SLC10A7: variants seen among roughly 807,000 people sequenced by gnomAD.
SLC10A7 encodes solute carrier family 10 member 7, also known as sodium/bile acid cotransporter 7.
A neutral mutation model predicts 43.2 loss-of-function variants in SLC10A7; 29 were observed. The ratio of observed to expected loss-of-function variants is 0.67; its 90% CI spans 0.50 to 0.92. SLC10A7 has a LOEUF of 0.92. Among genes scored for constraint, SLC10A7 ranks in the 40% least tolerant of loss-of-function variants. The pLI is 0.00. For synonymous variants in SLC10A7, 152 were observed against 144.8 expected (o/e 1.05, Z -0.35); for missense variants, 295 against 403.2 (o/e 0.73, Z 2.30).
chr4:146,508,227 A>G (rs1021034899), intron 3 of SLC10A7, among the ~76,000 whole-genome samples: 2 of 152,208 alleles, frequency 1.3e-5, no homozygotes, highest in Non-Finnish European at 2.9e-5. Flanking sequence ...CTGAAAAATC[A>G]CATGGTGCCC....
intron 4 of SLC10A7, among the ~76,000 whole-genome samples, chr4:146,444,430 G>A (rs935694835): frequency 2.0e-5 from 3 of 152,068 alleles, no homozygotes; most frequent in Admixed American, 6.6e-5. Flanking sequence ...AGAATCATTC[G>A]AGGAAAAGAG....
intron 2 of SLC10A7, 40 bp from the exon 3 acceptor site, chr4:146,510,089 AACTATT>A: frequency 6.4e-7 from 1 of 1,567,928 alleles, no homozygotes; most frequent in Non-Finnish European, 8.6e-7. Context: ...AAGGTAAGAA[AACTATT>A]CCTGAAAGGA....
intron 7 of SLC10A7, among the ~76,000 whole-genome samples, chr4:146,303,375 CT>C (rs111238580): frequency 0.23 from 30,990 of 137,370 alleles, 3,251 homozygotes; most frequent in African/African-American, 0.32. Context: ...CTTTTTCTTT[CT>C]TTTTTTTTTT....
intron 5 of SLC10A7, among the ~76,000 whole-genome samples, chr4:146,412,775 C>T (rs1461174306): frequency 6.6e-6 from 1 of 152,000 alleles, no homozygotes; most frequent in Non-Finnish European, 1.5e-5. Context: ...GGGAGAAGAA[C>T]TAGAACAAAA....
chr4:146,324,580 C>G (rs1324961987), intron 6 of SLC10A7, among the ~76,000 whole-genome samples: 1 of 152,090 alleles, frequency 6.6e-6, no homozygotes, highest in Non-Finnish European at 1.5e-5. Flanking sequence ...TTACCAGATG[C>G]TGAGCTCTAT....
At chr4:146,519,097 ATATATATATATAT>A (rs539823637) in intron 1 of SLC10A7, among the ~76,000 whole-genome samples, 24 of 78,622 alleles carry the variant, frequency 3.1e-4, no homozygotes, top group African/African-American at 7.8e-4. Context: ...ATATATATAT[ATATATATATATAT>A]ATAATATAAT....
Position 146,294,061 on chromosome 4 carries a change from C to T in SLC10A7, c.590G>A (p.Arg197Lys). The change falls in exon 8 of 12, where the codon AGA becomes AAA. Residue 197 changes from arginine (R) to lysine (K), a missense_variant. Arg to Lys is a conservative substitution (Grantham distance 26). Transcript: ENST00000335472. ...GATAGCACCAAAAGGAGGCTTCTTT[C>T]TCTCAAGCCAATCCTTGATGTATCT... ...VRRYIKDWLE[R>K]KKPPFGAISS... 6.2e-7 allele frequency: 1 copy of T among 1,611,004 alleles called. No individual in the cohort carries two copies. Among genetic ancestry groups the T allele is most frequent in the Non-Finnish European group, 8.5e-7 (1 of 1,178,076 alleles).
At chr4:146,366,431 T>A (rs1398753914) in intron 5 of SLC10A7, among the ~76,000 whole-genome samples, 1 of 152,154 alleles carries the variant, frequency 6.6e-6, no homozygotes, top group South Asian at 2.1e-4. Context: ...ACCCAAACAC[T>A]TGCAGTTTTT....
At position 146,490,506 on chromosome 4, in the gene SLC10A7, T is replaced by C. The variant is rs995742988; in HGVS notation, c.396+13343A>G. ...CATATTGTTAGTTTCCCAGGCTGTT[T>C]GTCAGAGTTAAATTGCCATGGTTTG... On this transcript the variant is annotated intron_variant, in intron 4 of 11. Coordinates refer to ENST00000335472, the MANE Select transcript of SLC10A7 (RefSeq NM_001029998.6). 7.9e-5 allele frequency among the ~76,000 whole-genome samples: 12 copies of C among 152,208 alleles called. No individual in the cohort carries two copies. In the East Asian group the frequency reaches 1.5e-3, roughly 20 times the overall value.
At chr4:146,367,133 A>G (rs544962348) in intron 5 of SLC10A7, among the ~76,000 whole-genome samples, 1 of 152,326 alleles carries the variant, frequency 6.6e-6, no homozygotes, top group East Asian at 1.9e-4. Flanking sequence ...ACAGTAAGAT[A>G]TCAAGATGAA....
At chr4:146,316,356 A>G (rs1484417238) in intron 6 of SLC10A7, among the ~76,000 whole-genome samples, 1 of 152,018 alleles carries the variant, frequency 6.6e-6, no homozygotes, top group East Asian at 1.9e-4. Flanking sequence ...GGGTGCTGGT[A>G]TTGGGAGACA....
intron 5 of SLC10A7, among the ~76,000 whole-genome samples, chr4:146,388,111 G>A (rs1738142039): frequency 6.6e-6 from 1 of 152,116 alleles, no homozygotes; most frequent in Non-Finnish European, 1.5e-5. Flanking sequence ...AGCCTGATTA[G>A]CCAAAGCAAT....
At chr4:146,263,447 G>C (rs1343462420) in intron 10 of SLC10A7, among the ~76,000 whole-genome samples, 1 of 151,940 alleles carries the variant, frequency 6.6e-6, no homozygotes, top group Non-Finnish European at 1.5e-5. Context: ...TTATTGTGCA[G>C]ACTATCACTC....
At chr4:146,275,521 G>T (rs1729150429) in intron 10 of SLC10A7, among the ~76,000 whole-genome samples, 1 of 152,126 alleles carries the variant, frequency 6.6e-6, no homozygotes, top group South Asian at 2.1e-4. Context: ...GCAAGTCATG[G>T]ATCACTTGGG....
chr4:146,386,654 T>C (rs182387682), intron 5 of SLC10A7, among the ~76,000 whole-genome samples: 68 of 152,348 alleles, frequency 4.5e-4, no homozygotes, highest in Non-Finnish European at 7.8e-4. Context: ...GCATTTACTC[T>C]TTCTTTTTTT....
chr4:146,350,056 C>G (rs548284297), intron 5 of SLC10A7, among the ~76,000 whole-genome samples: 215 of 152,122 alleles, frequency 1.4e-3, no homozygotes, highest in Non-Finnish European at 2.4e-3. Flanking sequence ...GAACAGCTCC[C>G]GTCTACAGCT....
chr4:146,449,989 G>A (rs1047637019), intron 4 of SLC10A7, among the ~76,000 whole-genome samples: 5 of 152,046 alleles, frequency 3.3e-5, no homozygotes, highest in African/African-American at 1.2e-4. Context: ...TGGGAATGGG[G>A]AACAGAAATA....
chr4:146,287,192 G>T (rs116487254), intron 9 of SLC10A7, among the ~76,000 whole-genome samples: 3 of 152,104 alleles, frequency 2.0e-5, no homozygotes, highest in African/African-American at 7.2e-5. Flanking sequence ...GGAGTGGTGA[G>T]AACGACTGAG....
chr4:146,366,908 G>A (rs1736429003), intron 5 of SLC10A7, among the ~76,000 whole-genome samples: 1 of 151,908 alleles, frequency 6.6e-6, no homozygotes, highest in African/African-American at 2.4e-5. Flanking sequence ...CTTTGAAAAT[G>A]TTCTTGGGTT....
Sources: allele counts gnomAD v4.1 joint callset (sites outside exome capture counted in the v4.1 genomes callset), GRCh38; gene constraint gnomAD v4.1.1; transcripts MANE v1.5; gene names NCBI Gene and HGNC (gene_info 2026-07-23, HGNC 2026-07-21).